The following SORCS3 variants were observed in gnomAD, a reference collection of about 807,000 sequenced individuals.
SORCS3 encodes VPS10 domain-containing receptor SorCS3.
Under a neutral mutation model 146.3 loss-of-function variants are expected in SORCS3, and 57 were observed. That is an observed-to-expected ratio of 0.39 (90% CI 0.31 to 0.49). SORCS3 has a LOEUF of 0.49. Among genes scored for constraint, SORCS3 ranks in the 20% least tolerant of loss-of-function variants. SORCS3 has a pLI of 0.92. For missense variants in SORCS3, 1,341 were observed against 1,575.5 expected (o/e 0.85, Z 2.52); for synonymous variants, 653 against 618.5 (o/e 1.06, Z -0.83).
At chr10:105,255,118 G>T (rs189100898) in intron 23 of SORCS3, among the ~76,000 whole-genome samples, 2 of 151,324 alleles carry the variant, frequency 1.3e-5, no homozygotes, top group Admixed American at 6.6e-5. Context: ...AACCCGGGGG[G>T]GCGGAGCCTG....
intron 2 of SORCS3, among the ~76,000 whole-genome samples, chr10:104,878,578 G>T (rs563296978): frequency 1.3e-5 from 2 of 152,160 alleles, no homozygotes; most frequent in African/African-American, 4.8e-5. Flanking sequence ...ATATCTGTAA[G>T]ATAAAAAGCA....
intron 1 of SORCS3, among the ~76,000 whole-genome samples, chr10:104,678,898 A>G (rs1185072814): frequency 8.5e-5 from 13 of 152,214 alleles, no homozygotes; most frequent in Non-Finnish European, 2.9e-5. Flanking sequence ...GAGGGAAAGC[A>G]GGACAGGGAA....
chr10:104,656,542 C>T (rs2015633024), intron 1 of SORCS3, among the ~76,000 whole-genome samples: 2 of 152,060 alleles, frequency 1.3e-5, no homozygotes, highest in South Asian at 4.2e-4. Context: ...CTTGTGGTCC[C>T]AGCTACTCAG....
intron 1 of SORCS3, among the ~76,000 whole-genome samples, chr10:104,656,411 C>T (rs2133243565): frequency 6.6e-6 from 1 of 152,198 alleles, no homozygotes; most frequent in East Asian, 1.9e-4. Flanking sequence ...AATTCTAGCA[C>T]TTTGGGAGGC....
At chr10:104,938,185 C>A (rs568956996) in intron 3 of SORCS3, among the ~76,000 whole-genome samples, 43 of 152,248 alleles carry the variant, frequency 2.8e-4, no homozygotes, top group African/African-American at 9.9e-4. Flanking sequence ...CTTTCTCAAG[C>A]TGATGTGGTT....
chr10:104,795,797 A>G (rs891938879), intron 1 of SORCS3, among the ~76,000 whole-genome samples: 3 of 152,218 alleles, frequency 2.0e-5, no homozygotes, highest in Non-Finnish European at 4.4e-5. Flanking sequence ...TTGGTACCCT[A>G]TCAGGGAGCT....
At chr10:105,145,797 A>G (rs1308474797) in intron 8 of SORCS3, among the ~76,000 whole-genome samples, 1 of 152,144 alleles carries the variant, frequency 6.6e-6, no homozygotes, top group Non-Finnish European at 1.5e-5. Flanking sequence ...GGTGACCCAG[A>G]CAGTTCAAGG....
intron 1 of SORCS3, among the ~76,000 whole-genome samples, chr10:104,647,714 A>G (rs1189925363): frequency 1.3e-5 from 2 of 152,204 alleles, no homozygotes; most frequent in Non-Finnish European, 2.9e-5. Context: ...ATTTTGCCCT[A>G]AGATAACTAA....
At chr10:105,118,815 ATCTGGTGGAAGGAACT>A (rs1290151701) in intron 7 of SORCS3, among the ~76,000 whole-genome samples, 1 of 152,142 alleles carries the variant, frequency 6.6e-6, no homozygotes, top group East Asian at 1.9e-4. Context: ...GATTTAGGGT[ATCTGGTGGAAGGAACT>A]TCTAAGAGGC....
intron 25 of SORCS3, among the ~76,000 whole-genome samples, chr10:105,258,974 G>A (rs989024792): frequency 1.6e-4 from 25 of 152,100 alleles, no homozygotes; most frequent in African/African-American, 6.0e-4. Context: ...AATTCTGTGG[G>A]ATTTTCTTTT....
At chr10:105,026,478 A>T (rs1228689794) in intron 4 of SORCS3, among the ~76,000 whole-genome samples, 1 of 152,232 alleles carries the variant, frequency 6.6e-6, no homozygotes, top group Non-Finnish European at 1.5e-5. Flanking sequence ...ATTATTAGGT[A>T]AGTACCCAAA....
chr10:105,108,637 T>G (rs1464224941), intron 7 of SORCS3, among the ~76,000 whole-genome samples: 1 of 152,154 alleles, frequency 6.6e-6, no homozygotes. Context: ...CTTGAAGGCT[T>G]TATTTTTACT....
intron 4 of SORCS3, among the ~76,000 whole-genome samples, chr10:104,996,935 G>A (rs2055031116): frequency 6.6e-6 from 1 of 152,150 alleles, no homozygotes; most frequent in African/African-American, 2.4e-5. Context: ...GAGATCCAGC[G>A]GGGATGTGTG....
chr10:105,119,868 G>A (rs576444462), intron 7 of SORCS3, among the ~76,000 whole-genome samples: 3 of 152,264 alleles, frequency 2.0e-5, no homozygotes, highest in Admixed American at 6.5e-5. Flanking sequence ...GACTTGCCTT[G>A]TCTCAGATGA....
intron 4 of SORCS3, among the ~76,000 whole-genome samples, chr10:104,990,969 C>A (rs1049861076): frequency 1.3e-5 from 2 of 152,126 alleles, no homozygotes; most frequent in African/African-American, 4.8e-5. Context: ...GTTACAGTAG[C>A]AATAGGAAAT....
chr10:105,157,123 C>T lies in SORCS3; in HGVS notation c.1483-15C>T, dbSNP rs201562588. On this transcript the variant is annotated splice_polypyrimidine_tract_variant and intron_variant, in intron 9 of 26. Transcript: ENST00000369701. ...TGGCCCAGCATGGTTCTCCATCTCTCACCTTTTTTCCTAGGTAGCAGGTAT... is the reference window on the plus strand; with the variant it reads ...TGGCCCAGCATGGTTCTCCATCTCTTACCTTTTTTCCTAGGTAGCAGGTAT... 586 of 1,613,478 alleles carry T rather than the reference C, an allele frequency of 3.6e-4. 1 individual carries two copies. Among genetic ancestry groups the T allele is most frequent in the South Asian group, 1.3e-3 (117 of 90,956 alleles).
chr10:104,946,954 C>T (rs1024527441), intron 3 of SORCS3, among the ~76,000 whole-genome samples: 7 of 152,046 alleles, frequency 4.6e-5, no homozygotes, highest in Non-Finnish European at 8.8e-5. Flanking sequence ...ATGGGGACAG[C>T]AGGATGGATG....
At chr10:105,155,724 G>A (rs1589659617) in intron 9 of SORCS3, among the ~76,000 whole-genome samples, 1 of 152,324 alleles carries the variant, frequency 6.6e-6, no homozygotes, top group East Asian at 1.9e-4. Context: ...TCTCTAGGGA[G>A]GGCATGGCTC....
chr10:104,671,760 G>C (rs986372517), intron 1 of SORCS3, among the ~76,000 whole-genome samples: 19 of 151,958 alleles, frequency 1.3e-4, no homozygotes, highest in Admixed American at 9.2e-4. Flanking sequence ...GTTTCATTCT[G>C]TTAATGTGGT....
Sources: allele counts gnomAD v4.1 joint callset (sites outside exome capture counted in the v4.1 genomes callset), GRCh38; gene constraint gnomAD v4.1.1; transcripts MANE v1.5; gene names NCBI Gene and HGNC (gene_info 2026-07-23, HGNC 2026-07-21).